SLC16A10: variants seen among roughly 807,000 people sequenced by gnomAD.
SLC16A10 encodes monocarboxylate transporter 10.
In SLC16A10, 27 loss-of-function variants were observed where a neutral mutation model predicts 40.0. The ratio of observed to expected loss-of-function variants is 0.67; its 90% CI spans 0.50 to 0.93. The LOEUF (loss-of-function observed/expected upper bound fraction) is 0.93. Ranked by LOEUF, SLC16A10 falls within the 40% of genes least tolerant of loss-of-function variation. SLC16A10 has a pLI of 0.00. For missense variants in SLC16A10, 529 were observed against 658.2 expected, an observed-to-expected ratio of 0.80 and a Z score of 2.15; for synonymous variants, 213 against 249.8, an observed-to-expected ratio of 0.85 and a Z score of 1.39.
chr6:111,097,761 G>A (rs1358912868), intron 1 of SLC16A10, among the ~76,000 whole-genome samples: 1 of 152,122 alleles, frequency 6.6e-6, no homozygotes, highest in Non-Finnish European at 1.5e-5. Context: ...AGTGAGTGAG[G>A]GGAGCTGTGC....
chr6:111,222,031 T>C lies in SLC16A10; in HGVS notation c.1344T>C (p.Tyr448=). ...AGLLRDKLGS[Y]DVAFYLAGVP... Reference sequence around the variant, plus strand: ...TACTTCGTGACAAACTGGGCTCCTATGATGTGGCATTCTACCTCGCTGGAG... The same window carrying C: ...TACTTCGTGACAAACTGGGCTCCTACGATGTGGCATTCTACCTCGCTGGAG... Residue 448 remains tyrosine, a synonymous_variant, in exon 6 of 6, where the codon TAT becomes TAC. Coordinates refer to ENST00000368851, the MANE Select transcript of SLC16A10 (RefSeq NM_018593.5). The C allele has an allele frequency of 6.2e-7, 1 of 1,609,270 alleles. No homozygotes were observed. The highest frequency in any genetic ancestry group is 8.5e-7 in the Non-Finnish European group (1 of 1,178,752).
intron 3 of SLC16A10, among the ~76,000 whole-genome samples, chr6:111,193,028 C>A (rs1252340399): frequency 6.6e-6 from 1 of 151,774 alleles, no homozygotes; most frequent in Non-Finnish European, 1.5e-5. Flanking sequence ...TTCTTATTAC[C>A]TTTTTTTTGA....
At chr6:111,152,009 G>A (rs953215345) in intron 1 of SLC16A10, among the ~76,000 whole-genome samples, 1 of 152,120 alleles carries the variant, frequency 6.6e-6, no homozygotes, top group South Asian at 2.1e-4. Flanking sequence ...AGTTTCTTGA[G>A]ATTAGGGACC....
At chr6:111,123,164 CG>C (rs1440167523) in intron 1 of SLC16A10, among the ~76,000 whole-genome samples, 1 of 152,142 alleles carries the variant, frequency 6.6e-6, no homozygotes, top group East Asian at 1.9e-4. Context: ...TTCATCCTGT[CG>C]GGGTTGATCT....
chr6:111,152,028 C>T (rs954222514), intron 1 of SLC16A10, among the ~76,000 whole-genome samples: 1 of 152,106 alleles, frequency 6.6e-6, no homozygotes, highest in African/African-American at 2.4e-5. Context: ...CCTGAGATCC[C>T]CAGTGCCCAG....
In SLC16A10 at chr6:111,226,037, C is replaced by G. The variant is rs1303880245; in HGVS notation, c.*3802C>G. ...TGGTGAATGGCTTTCTCTCAGCCTT[C>G]GACTTAGTTCTAATGATCTACATTG... On this transcript the variant is annotated 3_prime_UTR_variant, in exon 6 of 6. Coordinates refer to ENST00000368851, the MANE Select transcript of SLC16A10 (RefSeq NM_018593.5). The G allele has an allele frequency of 2.0e-5, 3 of 152,048 alleles. No homozygotes were observed. Among genetic ancestry groups the G allele is most frequent in the African/African-American group, 4.8e-5 (2 of 41,392 alleles). The allele number at this position is 152,048 out of a possible 1,614,324, so 9.4% of individuals were successfully genotyped here.
chr6:111,206,652 A>G lies in SLC16A10; in HGVS notation c.1003A>G (p.Ile335Val). ...AAATAAAGAGGTTGTTCTCATGTGC[A>G]TTGGCGTCACTTCAGGAGTTGGACG... ...EKNKEVVLMCIGVTSGVGRLL... is the reference protein window; with the variant it reads ...EKNKEVVLMCVGVTSGVGRLL... Residue 335 changes from isoleucine (I) to valine (V), a missense_variant, in exon 4 of 6, where the codon ATT (isoleucine) becomes GTT (valine). By Grantham distance (29) the Ile-to-Val change is conservative (BLOSUM62 3). Transcript: ENST00000368851. 6.2e-7 allele frequency: 1 copy of G among 1,614,160 alleles called. No homozygotes were observed. The highest frequency in any genetic ancestry group is 1.1e-5 in the South Asian group (1 of 91,082).
intron 3 of SLC16A10, among the ~76,000 whole-genome samples, chr6:111,195,405 G>C (rs1268438427): frequency 6.6e-6 from 1 of 152,166 alleles, no homozygotes; most frequent in Non-Finnish European, 1.5e-5. Context: ...AATGGGCACA[G>C]AGTTTCAGCT....
chr6:111,199,836 A>AAC (rs1773140772), intron 3 of SLC16A10, among the ~76,000 whole-genome samples: 2 of 151,642 alleles, frequency 1.3e-5, no homozygotes, highest in East Asian at 1.9e-4. Context: ...TTAAAAAAAA[A>AAC]AAACAAGTAG....
At chr6:111,199,269 G>A (rs1388277982) in intron 3 of SLC16A10, among the ~76,000 whole-genome samples, 1 of 152,134 alleles carries the variant, frequency 6.6e-6, no homozygotes, top group Non-Finnish European at 1.5e-5. Context: ...AGACCAGCCT[G>A]GGCAACATGG....
chr6:111,091,902 G>C (rs764810950), intron 1 of SLC16A10, among the ~76,000 whole-genome samples: 4 of 152,208 alleles, frequency 2.6e-5, no homozygotes, highest in Non-Finnish European at 5.9e-5. Flanking sequence ...ATGACTGAGA[G>C]AGAAAATGTC....
chr6:111,105,606 G>C (rs1471089395), intron 1 of SLC16A10, among the ~76,000 whole-genome samples: 1 of 152,206 alleles, frequency 6.6e-6, no homozygotes, highest in African/African-American at 2.4e-5. Context: ...CCACACACAA[G>C]TGTGTTTTGC....
intron 3 of SLC16A10, among the ~76,000 whole-genome samples, chr6:111,192,825 T>A (rs1417518825): frequency 6.6e-6 from 1 of 152,094 alleles, no homozygotes; most frequent in Non-Finnish European, 1.5e-5. Context: ...TTATTCACTA[T>A]CATGAGAACA....
At chr6:111,170,424 T>C (rs927558527) in intron 1 of SLC16A10, among the ~76,000 whole-genome samples, 1 of 152,252 alleles carries the variant, frequency 6.6e-6, no homozygotes, top group African/African-American at 2.4e-5. Flanking sequence ...GGATATTTTC[T>C]TCTAGCCTGC....
chr6:111,191,369 A>G (rs796700995), intron 3 of SLC16A10, among the ~76,000 whole-genome samples: 3 of 152,174 alleles, frequency 2.0e-5, no homozygotes, highest in African/African-American at 7.2e-5. Context: ...TTATGGCTGC[A>G]TAGTATTCCA....
intron 3 of SLC16A10, among the ~76,000 whole-genome samples, chr6:111,198,268 C>T (rs1172381531): frequency 2.0e-5 from 3 of 152,016 alleles, no homozygotes; most frequent in Admixed American, 2.0e-4. Context: ...TCTGGGCAAC[C>T]GAGTGAGGCT....
At chr6:111,140,015 G>A (rs1367242246) in intron 1 of SLC16A10, among the ~76,000 whole-genome samples, 1 of 152,204 alleles carries the variant, frequency 6.6e-6, no homozygotes, top group Non-Finnish European at 1.5e-5. Flanking sequence ...AGTGGGAAGA[G>A]TGGGAAGAGG....
At chr6:111,184,769 C>T (rs191407818) in intron 3 of SLC16A10, among the ~76,000 whole-genome samples, 1 of 152,228 alleles carries the variant, frequency 6.6e-6, no homozygotes, top group East Asian at 1.9e-4. Context: ...CATTAACCAC[C>T]GCCCCTGGCC....
intron 1 of SLC16A10, 111 bp from the exon 2 acceptor site, chr6:111,172,584 C>T: frequency 1.5e-6 from 2 of 1,333,006 alleles, no homozygotes; most frequent in Non-Finnish European, 1.0e-6. Flanking sequence ...AGGCACTATA[C>T]TCAAAAAAAC....
Sources: gnomAD v4.1 joint callset for allele counts (sites outside exome capture counted in the v4.1 genomes callset) on GRCh38, gnomAD v4.1.1 for gene constraint, MANE v1.5 for transcripts, NCBI Gene and HGNC (gene_info 2026-07-23, HGNC 2026-07-21) for gene names.